The following DAB1 variants were observed in gnomAD, a reference collection of about 807,000 sequenced individuals.
DAB1 encodes disabled homolog 1.
DAB1 carries 15 observed loss-of-function variants against 64.6 expected under a neutral mutation model. The ratio of observed to expected loss-of-function variants is 0.23; its 90% confidence interval spans 0.16 to 0.36. The LOEUF (loss-of-function observed/expected upper bound fraction) is 0.36, where lower values mean the gene tolerates loss of function less well. Among genes scored for constraint, DAB1 ranks in the 10% least tolerant of loss-of-function variants. The pLI, the probability that DAB1 is intolerant of heterozygous loss-of-function variation, is 1.00. For synonymous variants in DAB1, 235 were observed against 251.9 expected (o/e 0.93, Z 0.64); for missense variants, 596 against 706.7 (o/e 0.84, Z 1.78).
At chr1:57,659,411 T>C (rs1646358351) in intron 6 of DAB1, among the ~76,000 whole-genome samples, 1 of 152,190 alleles carries the variant, frequency 6.6e-6, no homozygotes, top group Non-Finnish European at 1.5e-5. Flanking sequence ...AGAATAATGT[T>C]AACGCAAGGA....
At chr1:58,011,047 C>T (rs984906723) in intron 5 of DAB1, among the ~76,000 whole-genome samples, 1 of 152,152 alleles carries the variant, frequency 6.6e-6, no homozygotes, top group African/African-American at 2.4e-5. Flanking sequence ...GAGATCCTAC[C>T]CAAATGTTAG....
Position 57,872,369 on chromosome 1 carries a change from G to A in DAB1, n.87+11630C>T, listed in dbSNP as rs142940936. 2.3e-4 allele frequency among the ~76,000 whole-genome samples: 35 copies of A among 152,238 alleles called. No homozygotes were observed. The Middle Eastern group carries it at 0.01, about 44-fold the overall frequency. ...ACTCCTCATCCCTTCTCCCACGTGAGGACACAGTGAGAGGTATATCTATGA... is the reference window on the plus strand; with the variant it reads ...ACTCCTCATCCCTTCTCCCACGTGAAGACACAGTGAGAGGTATATCTATGA... On this transcript the variant is annotated intron_variant and non_coding_transcript_variant, in intron 1 of 1. Transcript: ENST00000477280.
intron 7 of DAB1, among the ~76,000 whole-genome samples, chr1:57,554,651 A>G (rs1339736638): frequency 6.6e-6 from 1 of 152,246 alleles, no homozygotes; most frequent in African/African-American, 2.4e-5. Context: ...GTTTTCTTAA[A>G]TAAGAACAGC....
chr1:57,182,738 T>C (rs1663108941), intron 2 of DAB1, among the ~76,000 whole-genome samples: 2 of 152,102 alleles, frequency 1.3e-5, no homozygotes, highest in East Asian at 3.9e-4. Context: ...ATGATTCTTA[T>C]AGGACCAGTT....
chr1:58,012,573 G>A (rs1334205255), intron 5 of DAB1, among the ~76,000 whole-genome samples: 1 of 152,136 alleles, frequency 6.6e-6, no homozygotes, highest in Non-Finnish European at 1.5e-5. Flanking sequence ...TAGGAAGTGG[G>A]GCCTTTAGGA....
chr1:57,215,932 C>T (rs1360714754), intron 2 of DAB1, among the ~76,000 whole-genome samples: 6 of 152,158 alleles, frequency 3.9e-5, no homozygotes, highest in African/African-American at 9.7e-5. Context: ...TAAAGGACTC[C>T]GTGGGAGACC....
At chr1:57,550,259 T>C (rs1349221406) in intron 7 of DAB1, among the ~76,000 whole-genome samples, 1 of 152,174 alleles carries the variant, frequency 6.6e-6, no homozygotes, top group Admixed American at 6.5e-5. Flanking sequence ...CAGTATTGCA[T>C]GCCATTCACA....
chr1:58,222,391 C>A (rs113685535), intron 4 of DAB1, among the ~76,000 whole-genome samples: 6 of 152,168 alleles, frequency 3.9e-5, no homozygotes, highest in Non-Finnish European at 7.3e-5. Flanking sequence ...TTGCACCAAG[C>A]CTGGGGCTTG....
chr1:57,585,273 A>ACCTTAGTGT (rs1300640251), intron 7 of DAB1, among the ~76,000 whole-genome samples: 27 of 149,942 alleles, frequency 1.8e-4, no homozygotes, highest in Admixed American at 1.6e-3. Flanking sequence ...AAAAAAAAAA[A>ACCTTAGTGT]AAGACTTACA....
rs531630183 is a variant in DAB1, at chr1:57,723,837, T to C, written n.552-74172A>G. 4.4e-4 allele frequency among the ~76,000 whole-genome samples: 67 copies of C among 152,290 alleles called. 2 individuals carry two copies. In the South Asian group the frequency reaches 0.014, roughly 32 times the overall value. On this transcript the variant is annotated intron_variant and non_coding_transcript_variant, in intron 6 of 20. Coordinates refer to the DAB1 transcript ENST00000485760. ...GATTGGCCCTTTTTGATTTCCAGCTTGTAGGAGTTTGTTAAAATGGCAGAT... is the reference window on the plus strand; with the variant it reads ...GATTGGCCCTTTTTGATTTCCAGCTCGTAGGAGTTTGTTAAAATGGCAGAT...
chr1:58,367,017 T>C (rs896478545), intron 3 of DAB1, among the ~76,000 whole-genome samples: 3 of 152,220 alleles, frequency 2.0e-5, no homozygotes, highest in African/African-American at 7.2e-5. Context: ...TAAACAACAC[T>C]TTTTTCTTTC....
At chr1:58,204,870 G>A (rs930511442) in intron 4 of DAB1, among the ~76,000 whole-genome samples, 86 of 152,090 alleles carry the variant, frequency 5.7e-4, no homozygotes, top group African/African-American at 2.0e-3. Context: ...AAGCCGTCAC[G>A]ATGTGATTCC....
chr1:57,993,772 T>C (rs1403222296), intron 5 of DAB1, among the ~76,000 whole-genome samples: 1 of 152,142 alleles, frequency 6.6e-6, no homozygotes, highest in Non-Finnish European at 1.5e-5. Flanking sequence ...GAAATTGGCC[T>C]AGACCCTTAT....
intron 7 of DAB1, among the ~76,000 whole-genome samples, chr1:57,565,541 G>C (rs531791335): frequency 6.6e-6 from 1 of 152,254 alleles, no homozygotes; most frequent in Admixed American, 6.5e-5. Flanking sequence ...CTCACGTGCA[G>C]AGACACAAGT....
intron 2 of DAB1, 143 bp from the exon 3 acceptor site, chr1:57,145,572 G>A: frequency 2.6e-6 from 2 of 761,256 alleles, no homozygotes; most frequent in Non-Finnish European, 4.1e-6. Flanking sequence ...AAGAATAGCA[G>A]TATTCCTAAA....
intron 1 of DAB1, among the ~76,000 whole-genome samples, chr1:57,309,109 G>T (rs939548214): frequency 6.6e-6 from 1 of 152,160 alleles, no homozygotes. Flanking sequence ...GTGGTCCAAG[G>T]ATATTCTTCT....
chr1:58,483,089 T>C (rs1268276163), intron 3 of DAB1, among the ~76,000 whole-genome samples: 1 of 152,194 alleles, frequency 6.6e-6, no homozygotes, highest in Non-Finnish European at 1.5e-5. Flanking sequence ...GGTACAAAAC[T>C]AGAATTCTTG....
intron 4 of DAB1, among the ~76,000 whole-genome samples, chr1:58,248,662 C>G (rs1660664356): frequency 6.6e-6 from 1 of 152,116 alleles, no homozygotes; most frequent in Non-Finnish European, 1.5e-5. Flanking sequence ...CTACATGTCC[C>G]CTGCAAGAAG....
intron 5 of DAB1, among the ~76,000 whole-genome samples, chr1:58,145,981 A>C (rs1227502970): frequency 2.0e-5 from 3 of 152,322 alleles, no homozygotes; most frequent in Non-Finnish European, 4.4e-5. Context: ...AAACAGCATG[A>C]AGACCTTTAT....
Sources: allele counts gnomAD v4.1 joint callset (sites outside exome capture counted in the v4.1 genomes callset), GRCh38; gene constraint gnomAD v4.1.1; transcripts MANE v1.5; gene names NCBI Gene and HGNC (gene_info 2026-07-23, HGNC 2026-07-21).